The following KCNQ1OT1 variants were observed in gnomAD, a reference collection of about 807,000 sequenced individuals.
KCNQ1OT1 encodes the protein KCNQ1 antisense RNA 2 (non-protein coding).
chr11:2,681,253 C>T (rs934095763), exon 1 of KCNQ1OT1: 1 of 398,422 alleles, frequency 2.5e-6, no homozygotes, highest in African/African-American at 2.1e-5. Flanking sequence ...TTCCTGCCTC[C>T]CCAGGAGAGA....
rs1849165583 is a variant in KCNQ1OT1 at position 2,621,161 on chromosome 11, A to G, written n.78834T>C. 1 of 397,288 alleles carries G rather than the reference A, an allele frequency of 2.5e-6. No homozygotes were observed. Among genetic ancestry groups the G allele is most frequent in the Non-Finnish European group, 4.4e-6 (1 of 225,888 alleles). 24.6% of individuals were successfully genotyped at this position (397,288 alleles called of 1,614,324 possible). A position where few individuals can be genotyped will look rare whatever the true frequency, so the allele number is the denominator to read the frequency against. On this transcript the variant is annotated non_coding_transcript_exon_variant, in exon 1 of 1. Coordinates refer to ENST00000597346, the Ensembl canonical transcript of KCNQ1OT1. This position sits in a 1 kb window ranked among gnomAD's most constrained non-coding sequence, Gnocchi z 5.7. Reference sequence around the variant, plus strand: ...CCTGGCTAATTTTTGTGTTTTTAGTAGAGACGGGGTTTCACCATGTTGGCC... The same window carrying G: ...CCTGGCTAATTTTTGTGTTTTTAGTGGAGACGGGGTTTCACCATGTTGGCC...
chr11:2,630,165 A>G (rs997764963), exon 1 of KCNQ1OT1: 2 of 398,230 alleles, frequency 5.0e-6, no homozygotes, highest in Admixed American at 4.4e-5. Context: ...ATTTGCACTT[A>G]TCAAAATGAT....
Position 2,682,444 on chromosome 11 carries a change from A to C in KCNQ1OT1, n.17551T>G. 1 of 398,204 alleles carries C rather than the reference A, an allele frequency of 2.5e-6. No individual in the cohort carries two copies. Among genetic ancestry groups the C allele is most frequent in the Non-Finnish European group, 4.4e-6 (1 of 226,082 alleles). 24.7% of individuals were successfully genotyped at this position (398,204 alleles called of 1,614,324 possible). A position where few individuals can be genotyped will look rare whatever the true frequency, so the allele number is the denominator to read the frequency against. On this transcript the variant is annotated non_coding_transcript_exon_variant, in exon 1 of 1. Transcript: ENST00000597346. The surrounding 1 kb of genome is among the most constrained non-coding windows in gnomAD (Gnocchi z 5.8). ...TATCTTCAGTGCTTAATCCATATGG[A>C]GCCTGTCACGGACCCTCAGTGAATG...
chr11:2,612,388 G>GACC lies in KCNQ1OT1; in HGVS notation n.87604_87606dup. On this transcript the variant is annotated non_coding_transcript_exon_variant, in exon 1 of 1. Coordinates refer to ENST00000597346, the Ensembl canonical transcript of KCNQ1OT1. This position sits in a 1 kb window ranked among gnomAD's most constrained non-coding sequence, Gnocchi z 5.5. ...GGTCCCTCATGCCAAAAAGGTTGGG[G>GACC]ACCACTATATTATGGTATCCAATGG... 1 of 398,600 alleles carries GACC rather than the reference G, an allele frequency of 2.5e-6. No homozygotes were observed. Among genetic ancestry groups the GACC allele is most frequent in the Non-Finnish European group, 4.4e-6 (1 of 226,064 alleles). 24.7% of individuals were successfully genotyped at this position (398,600 alleles called of 1,614,324 possible). A position where few individuals can be genotyped will look rare whatever the true frequency, so the allele number is the denominator to read the frequency against.
exon 1 of KCNQ1OT1, chr11:2,684,504 C>T: frequency 2.5e-6 from 1 of 398,660 alleles, no homozygotes; most frequent in Non-Finnish European, 4.4e-6. Flanking sequence ...TTCTATTCCT[C>T]CTATTCCACT....
chr11:2,626,180 C>T lies in KCNQ1OT1; in HGVS notation n.73815G>A. 2 of 398,526 alleles carry T rather than the reference C, an allele frequency of 5.0e-6. No homozygotes were observed. Among genetic ancestry groups the T allele is most frequent in the East Asian group, 3.6e-5 (1 of 28,064 alleles). The allele number at this position is 398,526 out of a possible 1,614,324, so 24.7% of individuals were successfully genotyped here. ...TTTTCCCCTATGTTTCCTTATAAGA[C>T]TTCATAGTTTTAGGACTTTGACCCA... On this transcript the variant is annotated non_coding_transcript_exon_variant, in exon 1 of 1. Coordinates refer to ENST00000597346, the Ensembl canonical transcript of KCNQ1OT1. This position sits in a 1 kb window ranked among gnomAD's most constrained non-coding sequence, Gnocchi z 4.0.
At chr11:2,648,981 C>CTTTTTTTT in exon 1 of KCNQ1OT1, 13 of 213,290 alleles carry the variant, frequency 6.1e-5, no homozygotes, top group East Asian at 3.3e-4. Flanking sequence ...TTTTCTTTTT[C>CTTTTTTTT]TTTTTTTTTT....
At chr11:2,618,503 T>G (rs576179705) in exon 1 of KCNQ1OT1, 1 of 398,624 alleles carries the variant, frequency 2.5e-6, no homozygotes, top group Admixed American at 4.4e-5. Context: ...GAAAATTGGT[T>G]GATCATATAT....
chr11:2,681,343 C>T (rs1850393096), exon 1 of KCNQ1OT1: 1 of 398,464 alleles, frequency 2.5e-6, no homozygotes, highest in Non-Finnish European at 4.4e-6. Flanking sequence ...CCGTCTTTTC[C>T]TTGTAGCTCC....
exon 1 of KCNQ1OT1, chr11:2,640,782 T>C: frequency 2.5e-6 from 1 of 398,610 alleles, no homozygotes. Context: ...TTATTTATTC[T>C]AACTAGCTGT....
At chr11:2,632,975 T>G (rs1244940558) in exon 1 of KCNQ1OT1, 2 of 398,384 alleles carry the variant, frequency 5.0e-6, no homozygotes, top group East Asian at 3.6e-5. Flanking sequence ...TACTTTTAGT[T>G]TTTTTGACAA....
rs1234117556 is a variant in KCNQ1OT1 at position 2,651,074 on chromosome 11, A to G, written n.48921T>C. The G allele has an allele frequency of 2.5e-6, 1 of 398,700 alleles. No individual in the cohort carries two copies. Among genetic ancestry groups the G allele is most frequent in the Admixed American group, 4.4e-5 (1 of 22,734 alleles). 24.7% of individuals were successfully genotyped at this position (398,700 alleles called of 1,614,324 possible). ...CTGCCTACATTGTTGTCCATACCTC[A>G]TTACTGGTCTCTTGATTTCCACTCT... is the stretch of plus-strand genomic sequence containing the variant. On this transcript the variant is annotated non_coding_transcript_exon_variant, in exon 1 of 1. Coordinates refer to ENST00000597346, the Ensembl canonical transcript of KCNQ1OT1. The surrounding 1 kb of genome is among the most constrained non-coding windows in gnomAD (Gnocchi z 6.1).
exon 1 of KCNQ1OT1, chr11:2,633,254 A>G (rs974239029): frequency 2.3e-5 from 9 of 398,358 alleles, no homozygotes; most frequent in Admixed American, 4.4e-5. Context: ...TTGCTGTTGA[A>G]TTGTTTGAAT....
Position 2,683,365 on chromosome 11 carries a change from T to G in KCNQ1OT1, n.16630A>C. 2.5e-6 allele frequency: 1 copy of G among 398,622 alleles called. No individual in the cohort carries two copies. Among genetic ancestry groups the G allele is most frequent in the Non-Finnish European group, 4.4e-6 (1 of 226,052 alleles). The allele number at this position is 398,622 out of a possible 1,614,324, so 24.7% of individuals were successfully genotyped here. On this transcript the variant is annotated non_coding_transcript_exon_variant, in exon 1 of 1. Transcript: ENST00000597346. The surrounding 1 kb of genome is among the most constrained non-coding windows in gnomAD (Gnocchi z 4.7). ...GGCCACTGTGCCTGCCACTGCTGTCTGCAAATGCAGGTTCCTGGGGCTCTG... is the reference window on the plus strand; with the variant it reads ...GGCCACTGTGCCTGCCACTGCTGTCGGCAAATGCAGGTTCCTGGGGCTCTG...
At position 2,658,906 on chromosome 11, in the gene KCNQ1OT1, C is replaced by T; in HGVS notation, n.41089G>A. 5.0e-6 allele frequency: 2 copies of T among 398,498 alleles called. No homozygotes were observed. The highest frequency in any genetic ancestry group is 8.8e-6 in the Non-Finnish European group (2 of 226,026). The allele number at this position is 398,498 out of a possible 1,614,324, so 24.7% of individuals were successfully genotyped here. A position where few individuals can be genotyped will look rare whatever the true frequency, so the allele number is the denominator to read the frequency against. On this transcript the variant is annotated non_coding_transcript_exon_variant, in exon 1 of 1. Coordinates refer to ENST00000597346, the Ensembl canonical transcript of KCNQ1OT1. This position sits in a 1 kb window ranked among gnomAD's most constrained non-coding sequence, Gnocchi z 4.9. The stretch of plus-strand genomic sequence containing the variant: ...GTAACCCTATTGTACACGTAGTACC[C>T]TATGTGAAGCAAATTTACCTACTAG...
rs530650428 is a variant in KCNQ1OT1 at position 2,633,072 on chromosome 11, C to T, written n.66923G>A. ...TCCCTTTTCTCTGCATCCTTGCCAGCATTTGTTATGTTTTGTCTTTTTGAA... is the reference window on the plus strand; with the variant it reads ...TCCCTTTTCTCTGCATCCTTGCCAGTATTTGTTATGTTTTGTCTTTTTGAA... On this transcript the variant is annotated non_coding_transcript_exon_variant, in exon 1 of 1. Transcript: ENST00000597346. 262 of 398,456 alleles carry T rather than the reference C, an allele frequency of 6.6e-4. No individual in the cohort carries two copies. The highest frequency in any genetic ancestry group is 2.6e-3 in the Admixed American group (59 of 22,728). 24.7% of individuals were successfully genotyped at this position (398,456 alleles called of 1,614,324 possible). A position where few individuals can be genotyped will look rare whatever the true frequency, so the allele number is the denominator to read the frequency against.
exon 1 of KCNQ1OT1, chr11:2,686,717 T>G (rs1369285823): frequency 5.5e-5 from 22 of 398,540 alleles, no homozygotes; most frequent in Non-Finnish European, 8.8e-5. Flanking sequence ...GAAGTCCTAC[T>G]CGGCCCCACT....
rs1029792714 is a variant in KCNQ1OT1 at position 2,663,930 on chromosome 11, G to A, written n.36065C>T. 2.5e-6 allele frequency: 1 copy of A among 398,596 alleles called. No homozygotes were observed. Among genetic ancestry groups the A allele is most frequent in the Non-Finnish European group, 4.4e-6 (1 of 226,124 alleles). The allele number at this position is 398,596 out of a possible 1,614,324, so 24.7% of individuals were successfully genotyped here. A position where few individuals can be genotyped will look rare whatever the true frequency, so the allele number is the denominator to read the frequency against. On this transcript the variant is annotated non_coding_transcript_exon_variant, in exon 1 of 1. Coordinates refer to ENST00000597346, the Ensembl canonical transcript of KCNQ1OT1. The surrounding 1 kb of genome is among the most constrained non-coding windows in gnomAD (Gnocchi z 5.2). Reference sequence around the variant, plus strand: ...CATCTAGGACACTGGGCTGTTTCTTGTTCCACTCCAGGATGACAGGGCCTG... The same window carrying A: ...CATCTAGGACACTGGGCTGTTTCTTATTCCACTCCAGGATGACAGGGCCTG...
In KCNQ1OT1 at chr11:2,661,915, G is replaced by A; in HGVS notation, n.38080C>T. 1 of 1,613,782 alleles carries A rather than the reference G, an allele frequency of 6.2e-7. No homozygotes were observed. The highest frequency in any genetic ancestry group is 8.5e-7 in the Non-Finnish European group (1 of 1,179,942). Reference sequence around the variant, plus strand: ...CAGGCCTGGCTCCACAGCACTGGCAGGTTGGGTGGGAGGCCTAACGTGCTG... The same window carrying A: ...CAGGCCTGGCTCCACAGCACTGGCAAGTTGGGTGGGAGGCCTAACGTGCTG... On this transcript the variant is annotated non_coding_transcript_exon_variant, in exon 1 of 1. Coordinates refer to ENST00000597346, the Ensembl canonical transcript of KCNQ1OT1. This position sits in a 1 kb window ranked among gnomAD's most constrained non-coding sequence, Gnocchi z 5.9.
Sources: gnomAD v4.1 joint callset for allele counts on GRCh38, gnomAD v4.1.1 for gene constraint, Gnocchi (gnomAD v3.1) non-coding constraint, MANE v1.5 for transcripts, NCBI Gene and HGNC (gene_info 2026-07-23, HGNC 2026-07-21) for gene names.